Variants in CHRM5 observed in about 807,000 individuals in gnomAD.
The protein encoded by CHRM5 is cholinergic receptor muscarinic 5.
CHRM5 carries 18 observed loss-of-function variants against 39.0 expected under a neutral mutation model. The observed-to-expected ratio is 0.46, with a 90% CI of 0.32 to 0.68. The LOEUF (loss-of-function observed/expected upper bound fraction) is 0.68, where lower values mean the gene tolerates loss of function less well. CHRM5 is among the 30% of genes least tolerant of loss of function. The probability of loss-of-function intolerance (pLI) is 0.04; values close to 1 mark genes in which losing one functional copy is unlikely to be tolerated. For synonymous variants in CHRM5, 241 were observed against 246.3 expected (o/e 0.98, Z 0.20); for missense variants, 515 against 651.1 (o/e 0.79, Z 2.28).
In CHRM5 at chr15:33,993,991, C is replaced by T. The variant is rs575215834; in HGVS notation, c.-408+24841C>T. Among the ~76,000 whole-genome samples, 304 of 152,342 alleles carry T rather than the reference C, an allele frequency of 2.0e-3. 3 individuals carry two copies. Among genetic ancestry groups the T allele is most frequent in the African/African-American group, 6.9e-3 (285 of 41,568 alleles). ...TAATGAATATTTGCGTTGCTTCCATCTGAGGCTCTTCTGAACATACAGCTG... is the reference window on the plus strand; with the variant it reads ...TAATGAATATTTGCGTTGCTTCCATTTGAGGCTCTTCTGAACATACAGCTG... On this transcript the variant is annotated intron_variant, in intron 1 of 2. Coordinates refer to ENST00000383263, the MANE Select transcript of CHRM5 (RefSeq NM_012125.4).
At chr15:33,996,252 G>A (rs1182522058) in intron 1 of CHRM5, among the ~76,000 whole-genome samples, 1 of 152,196 alleles carries the variant, frequency 6.6e-6, no homozygotes, top group Non-Finnish European at 1.5e-5. Context: ...CTGGGGGCAG[G>A]GCATAGCTGG....
chr15:34,027,077 C>T (rs1898512849), intron 1 of CHRM5, among the ~76,000 whole-genome samples: 1 of 152,188 alleles, frequency 6.6e-6, no homozygotes, highest in African/African-American at 2.4e-5. Context: ...AGAACACTGA[C>T]AAAAATTGTC....
At chr15:33,995,842 G>A (rs796577919) in intron 1 of CHRM5, among the ~76,000 whole-genome samples, 15 of 152,344 alleles carry the variant, frequency 9.8e-5, no homozygotes, top group African/African-American at 3.6e-4. Flanking sequence ...GACAGTGGGT[G>A]CAGGCCACGG....
intron 1 of CHRM5, among the ~76,000 whole-genome samples, chr15:34,041,481 A>G (rs537963223): frequency 2.2e-4 from 33 of 152,316 alleles, no homozygotes; most frequent in African/African-American, 7.9e-4. Flanking sequence ...TTAAGGAACT[A>G]TATAACTATC....
At chr15:34,058,176 ATCT>A (rs2140839289) in intron 2 of CHRM5, among the ~76,000 whole-genome samples, 1 of 152,146 alleles carries the variant, frequency 6.6e-6, no homozygotes, top group Non-Finnish European at 1.5e-5. Context: ...ATGGTGGGTA[ATCT>A]TCTTTACTTA....
At chr15:33,973,262 T>C (rs1895717216) in intron 1 of CHRM5, among the ~76,000 whole-genome samples, 1 of 152,242 alleles carries the variant, frequency 6.6e-6, no homozygotes, top group Non-Finnish European at 1.5e-5. Context: ...AAGCCAGAGA[T>C]GATTTCCAGT....
At chr15:34,001,927 ATTTT>A (rs1897152317) in intron 1 of CHRM5, among the ~76,000 whole-genome samples, 1 of 152,150 alleles carries the variant, frequency 6.6e-6, no homozygotes, top group South Asian at 2.1e-4. Context: ...CCAAAGTATT[ATTTT>A]TGTTTTACTT....
At chr15:34,015,598 G>A (rs1385352798) in intron 1 of CHRM5, among the ~76,000 whole-genome samples, 6 of 152,014 alleles carry the variant, frequency 3.9e-5, no homozygotes, top group Admixed American at 6.6e-5. Flanking sequence ...TTCCACCCTC[G>A]GTCTTTAGGA....
intron 1 of CHRM5, among the ~76,000 whole-genome samples, chr15:33,977,103 A>T (rs1376446394): frequency 6.6e-6 from 1 of 152,208 alleles, no homozygotes; most frequent in East Asian, 1.9e-4. Context: ...GGTACCAAGG[A>T]GATAGGAAGG....
chr15:34,008,969 C>G (rs961641688), intron 1 of CHRM5, among the ~76,000 whole-genome samples: 2 of 151,456 alleles, frequency 1.3e-5, no homozygotes, highest in Admixed American at 6.6e-5. Flanking sequence ...CACACACACA[C>G]ACACACAGAC....
chr15:34,009,331 A>G (rs570620877), intron 1 of CHRM5, among the ~76,000 whole-genome samples: 8 of 152,334 alleles, frequency 5.3e-5, no homozygotes. Context: ...ACAAATCCAC[A>G]TGAAAAAACC....
chr15:34,003,326 T>C (rs1465704042), intron 1 of CHRM5: 12 of 801,896 alleles, frequency 1.5e-5, no homozygotes, highest in Non-Finnish European at 2.4e-5. Context: ...GACCAAGCTG[T>C]CTGAAGATAT....
Position 34,038,910 on chromosome 15 carries a change from TCCCCGCCGCCGC to T in CHRM5, c.-407-7628_-407-7617del, listed in dbSNP as rs1324454068. ...GCCACGGCCCCGGCGTCCGCCTCCGTCCCCGCCGCCGCCTCCGCCGCCGCCTCTGGCTACCGC... is the reference window on the plus strand; with the variant it reads ...GCCACGGCCCCGGCGTCCGCCTCCGTCTCCGCCGCCGCCTCTGGCTACCGC... On this transcript the variant is annotated intron_variant, in intron 1 of 2. Coordinates refer to ENST00000383263, the MANE Select transcript of CHRM5 (RefSeq NM_012125.4). The T allele has an allele frequency of 2.9e-5, 32 of 1,106,740 alleles. No homozygotes were observed. In the East Asian group the frequency reaches 8.9e-4, roughly 31 times the overall value. 68.6% of individuals were successfully genotyped at this position (1,106,740 alleles called of 1,614,324 possible).
chr15:33,977,478 T>C (rs1473763998), intron 1 of CHRM5, among the ~76,000 whole-genome samples: 1 of 152,182 alleles, frequency 6.6e-6, no homozygotes, highest in African/African-American at 2.4e-5. Flanking sequence ...CATTCTCTTT[T>C]GTTAGGAGGC....
chr15:34,009,011 GA>G (rs1384759401), intron 1 of CHRM5, among the ~76,000 whole-genome samples: 1 of 149,524 alleles, frequency 6.7e-6, no homozygotes, highest in Non-Finnish European at 1.5e-5. Context: ...CAAGAAAAAG[GA>G]AAAACCAACT....
At chr15:33,970,419 C>T (rs1440583526) in intron 1 of CHRM5, among the ~76,000 whole-genome samples, 1 of 151,836 alleles carries the variant, frequency 6.6e-6, no homozygotes, top group African/African-American at 2.4e-5. Flanking sequence ...TCTAATACAA[C>T]AATTTGTTTC....
At chr15:34,016,134 G>A (rs1897898288) in intron 1 of CHRM5, among the ~76,000 whole-genome samples, 1 of 152,130 alleles carries the variant, frequency 6.6e-6, no homozygotes, top group East Asian at 1.9e-4. Context: ...AAATTAGCTG[G>A]GCATGGTGGT....
intron 1 of CHRM5, among the ~76,000 whole-genome samples, chr15:34,015,259 G>A (rs923812278): frequency 2.6e-5 from 4 of 152,086 alleles, no homozygotes; most frequent in East Asian, 1.9e-4. Flanking sequence ...CAAGGCAGGC[G>A]GGTCACGAGG....
chr15:33,996,512 CCTGCAATATTTGCTGTT>C (rs1443332729), intron 1 of CHRM5, among the ~76,000 whole-genome samples: 3 of 152,180 alleles, frequency 2.0e-5, no homozygotes, highest in African/African-American at 4.8e-5. Context: ...CATTTGCTGT[CCTGCAATATTTGCTGTT>C]CTGCAGCCTC....
Sources: gnomAD v4.1 joint callset for allele counts (sites outside exome capture counted in the v4.1 genomes callset) on GRCh38, gnomAD v4.1.1 for gene constraint, MANE v1.5 for transcripts, NCBI Gene and HGNC (gene_info 2026-07-23, HGNC 2026-07-21) for gene names.